Variants in BICC1 observed in about 807,000 individuals in gnomAD.
BICC1 encodes the protein BicC family RNA binding protein 1.
In BICC1, 43 loss-of-function variants were observed where a neutral mutation model predicts 111.0. That is an observed-to-expected ratio of 0.39 (90% CI 0.30 to 0.50). The LOEUF (loss-of-function observed/expected upper bound fraction) is 0.50. Among genes scored for constraint, BICC1 ranks in the 20% least tolerant of loss-of-function variants. The pLI is 0.88. For missense variants in BICC1, 1,091 were observed against 1,203.2 expected, an observed-to-expected ratio of 0.91 and a Z score of 1.38; for synonymous variants, 467 against 434.4, an observed-to-expected ratio of 1.07 and a Z score of -0.93.
intron 1 of BICC1, among the ~76,000 whole-genome samples, chr10:58,620,499 C>G (rs1845766971): frequency 6.6e-6 from 1 of 152,170 alleles, no homozygotes. Context: ...TGGGATTGAT[C>G]ACAGATAGGA....
At chr10:58,525,605 TA>T (rs1230115800) in intron 1 of BICC1, among the ~76,000 whole-genome samples, 4 of 148,870 alleles carry the variant, frequency 2.7e-5, no homozygotes, top group Non-Finnish European at 6.0e-5. Flanking sequence ...GACATATACC[TA>T]ATGTTAAATA....
chr10:58,545,634 C>G (rs184431493), intron 1 of BICC1, among the ~76,000 whole-genome samples: 46 of 152,232 alleles, frequency 3.0e-4, no homozygotes, highest in African/African-American at 1.1e-3. Flanking sequence ...GAAACAGATG[C>G]CTTCAAATAA....
At chr10:58,535,781 G>A (rs967384089) in intron 1 of BICC1, among the ~76,000 whole-genome samples, 1 of 151,590 alleles carries the variant, frequency 6.6e-6, no homozygotes, top group Non-Finnish European at 1.5e-5. Flanking sequence ...GATACAGATT[G>A]GCAAAATGAA....
chr10:58,746,597 A>G (rs2100136977), intron 3 of BICC1, among the ~76,000 whole-genome samples: 1 of 152,152 alleles, frequency 6.6e-6, no homozygotes, highest in Non-Finnish European at 1.5e-5. Context: ...GCTCATTGCT[A>G]TGGCTGAGTT....
intron 3 of BICC1, among the ~76,000 whole-genome samples, chr10:58,739,907 C>G (rs1254732814): frequency 6.6e-6 from 1 of 152,094 alleles, no homozygotes; most frequent in African/African-American, 2.4e-5. Context: ...ACAGTTGGAA[C>G]AAGTCTTTAT....
At chr10:58,649,929 A>G (rs1159292897) in intron 2 of BICC1, among the ~76,000 whole-genome samples, 2 of 152,180 alleles carry the variant, frequency 1.3e-5, no homozygotes, top group Non-Finnish European at 2.9e-5. Flanking sequence ...ACCACCCAAT[A>G]TTGAGATAAA....
intron 3 of BICC1, among the ~76,000 whole-genome samples, chr10:58,757,823 C>A (rs1037465106): frequency 1.3e-5 from 2 of 152,328 alleles, no homozygotes; most frequent in Non-Finnish European, 2.9e-5. Context: ...TGGCTGCCAA[C>A]TCAGATCAGC....
chr10:58,783,506 A>G (rs943054429), intron 3 of BICC1, among the ~76,000 whole-genome samples: 2 of 152,086 alleles, frequency 1.3e-5, no homozygotes, highest in African/African-American at 2.4e-5. Context: ...TCAGGGGAGT[A>G]TGTGTGGTTT....
rs1490959515 is a variant in BICC1, at chr10:58,738,696, G to A, written c.307+36553G>A. The stretch of plus-strand genomic sequence containing the variant: ...CCTGGGGCAGTATGGCCATTTTCAC[G>A]ATATTGATTCTTCCTACCCATGAGC... On this transcript the variant is annotated intron_variant, in intron 3 of 20. Transcript: ENST00000373886. 4.2e-5 allele frequency among the ~76,000 whole-genome samples: 6 copies of A among 144,088 alleles called. No homozygotes were observed. The East Asian group carries it at 8.3e-4, about 20-fold the overall frequency. The allele number at this position is 144,088 out of a possible 152,430, so 94.5% of individuals were successfully genotyped here.
chr10:58,775,368 T>G (rs1842721848), intron 3 of BICC1, among the ~76,000 whole-genome samples: 1 of 150,814 alleles, frequency 6.6e-6, no homozygotes, highest in Non-Finnish European at 1.5e-5. Context: ...AGCGAGACTC[T>G]GTCTCAAAAA....
At chr10:58,786,660 A>G (rs1419036542) in intron 4 of BICC1, among the ~76,000 whole-genome samples, 2 of 152,192 alleles carry the variant, frequency 1.3e-5, no homozygotes, top group African/African-American at 4.8e-5. Flanking sequence ...TTGTTTAAAG[A>G]CTTCTTTCCA....
intron 3 of BICC1, among the ~76,000 whole-genome samples, chr10:58,758,719 CTT>C (rs1368283876): frequency 2.6e-5 from 4 of 152,062 alleles, no homozygotes; most frequent in Admixed American, 6.6e-5. Flanking sequence ...ATGGCACTAA[CTT>C]TTTTTATTTT....
chr10:58,785,748 G>C (rs1273551473), intron 4 of BICC1, among the ~76,000 whole-genome samples: 1 of 152,174 alleles, frequency 6.6e-6, no homozygotes, highest in Non-Finnish European at 1.5e-5. Flanking sequence ...CCTCGTAACT[G>C]ACTCAGCACA....
intron 2 of BICC1, among the ~76,000 whole-genome samples, chr10:58,697,857 A>ACCCACACCCCCT (rs1231601601): frequency 6.6e-6 from 1 of 151,692 alleles, no homozygotes; most frequent in African/African-American, 2.4e-5. Context: ...ATCTAGCTCC[A>ACCCACACCCCCT]GTACTGAAGT....
At chr10:58,665,942 A>G (rs1342018796) in intron 2 of BICC1, among the ~76,000 whole-genome samples, 2 of 152,180 alleles carry the variant, frequency 1.3e-5, no homozygotes, top group African/African-American at 4.8e-5. Flanking sequence ...AGTCGGTTTC[A>G]TCTGAACATC....
In BICC1 at chr10:58,806,698, G is replaced by A. The variant is rs181099057; in HGVS notation, c.2221+75G>A. On this transcript the variant is annotated intron_variant, in intron 16 of 20. Transcript: ENST00000373886. ...TAAATGTTTTTTGAGTACTCATGGT[G>A]AATCGAGAACTTGAAAACTCAGAAA... is the stretch of plus-strand genomic sequence containing the variant. 4.6e-3 allele frequency: 5,851 copies of A among 1,277,896 alleles called. 17 individuals are homozygous for A. The highest frequency in any genetic ancestry group is 5.8e-3 in the Non-Finnish European group (5,214 of 896,430). The allele number at this position is 1,277,896 out of a possible 1,614,324, so 79.2% of individuals were successfully genotyped here.
chr10:58,659,394 C>T (rs917059639), intron 2 of BICC1, among the ~76,000 whole-genome samples: 2 of 152,114 alleles, frequency 1.3e-5, no homozygotes, highest in African/African-American at 4.8e-5. Flanking sequence ...TGGAATACTA[C>T]ACACCCATAA....
At chr10:58,705,027 G>A (rs368473087) in intron 3 of BICC1, among the ~76,000 whole-genome samples, 5 of 152,270 alleles carry the variant, frequency 3.3e-5, no homozygotes, top group South Asian at 2.1e-4. Flanking sequence ...GTGAGTGGCC[G>A]TATGGCTCAC....
chr10:58,532,565 A>G, intron 1 of BICC1, among the ~76,000 whole-genome samples: 1 of 151,856 alleles, frequency 6.6e-6, no homozygotes, highest in East Asian at 1.9e-4. Flanking sequence ...TTAAGAAGGG[A>G]CGAGATGATG....
Sources: gnomAD v4.1 joint callset for allele counts (sites outside exome capture counted in the v4.1 genomes callset) on GRCh38, gnomAD v4.1.1 for gene constraint, MANE v1.5 for transcripts, NCBI Gene and HGNC (gene_info 2026-07-23, HGNC 2026-07-21) for gene names.